NRIP1: variants seen among roughly 807,000 people sequenced by gnomAD.
NRIP1 encodes the protein nuclear receptor-interacting protein 1.
A neutral mutation model predicts 75.0 loss-of-function variants in NRIP1; 28 were observed. The observed-to-expected ratio is 0.37, with a 90% CI of 0.28 to 0.51. The LOEUF (loss-of-function observed/expected upper bound fraction) is 0.51. Ranked by LOEUF, NRIP1 falls within the 20% of genes least tolerant of loss-of-function variation. The pLI is 0.92. For missense variants in NRIP1, 1,435 were observed against 1,343.7 expected (o/e 1.07, Z -1.06); for synonymous variants, 526 against 487.6 (o/e 1.08, Z -1.04).
chr21:15,038,137 GA>G (rs2088875321), intron 2 of NRIP1, among the ~76,000 whole-genome samples: 1 of 151,984 alleles, frequency 6.6e-6, no homozygotes, highest in South Asian at 2.1e-4. Context: ...AGACTTTCAG[GA>G]AAGACTTTGA....
At chr21:15,038,902 C>T (rs28653583) in intron 2 of NRIP1, among the ~76,000 whole-genome samples, 18,236 of 151,988 alleles carry the variant, frequency 0.12, 2,116 homozygotes, top group African/African-American at 0.3. Flanking sequence ...TAGTAACGAA[C>T]GCAACAGAAA....
Position 14,962,910 on chromosome 21 carries a change from T to C in NRIP1, c.*1806A>G, listed in dbSNP as rs1300903783. On this transcript the variant is annotated 3_prime_UTR_variant, in exon 4 of 4. Transcript: ENST00000318948. ...AAATCAATATCCTAACTAGTAGTGA[T>C]TATAGAATAATTTTTGATAGGTCAT... The C allele has an allele frequency of 6.6e-6, 1 of 152,438 alleles. No homozygotes were observed. The highest frequency in any genetic ancestry group is 1.5e-5 in the Non-Finnish European group (1 of 67,938). The allele number at this position is 152,438 out of a possible 1,614,324, so 9.4% of individuals were successfully genotyped here.
chr21:15,052,558 G>A (rs528775829), intron 1 of NRIP1, among the ~76,000 whole-genome samples: 10 of 152,042 alleles, frequency 6.6e-5, no homozygotes, highest in Non-Finnish European at 1.3e-4. Flanking sequence ...TTTCCCCCGC[G>A]ATACTTCACT....
Position 15,031,892 on chromosome 21 carries a change from T to C in NRIP1, c.-458+11603A>G, listed in dbSNP as rs1425403570. ...ATGTGTATACACTCTGGAAGGTGGT[T>C]GGAGGTTCACCACATTCCCTTTCTA... On this transcript the variant is annotated intron_variant, in intron 2 of 3. Coordinates refer to ENST00000318948, the MANE Select transcript of NRIP1 (RefSeq NM_003489.4). 7.4e-5 allele frequency among the ~76,000 whole-genome samples: 11 copies of C among 149,050 alleles called. No homozygotes were observed. The East Asian group carries it at 1.8e-3, about 25-fold the overall frequency.
rs374251779 is a variant in NRIP1, at chr21:14,965,223, C to A, written c.2970G>T (p.Gln990His). The A allele has an allele frequency of 6.2e-7, 1 of 1,613,780 alleles. No individual in the cohort carries two copies. Among genetic ancestry groups the A allele is most frequent in the African/African-American group, 1.3e-5 (1 of 74,886 alleles). Residue 990 changes from glutamine to histidine, a missense_variant, in exon 4 of 4, where the codon CAG becomes CAT. By Grantham distance (24) the Gln-to-His change is conservative. Transcript: ENST00000318948. Reference sequence around the variant, plus strand: ...TCCTGTTATCCATGCAACTGCTGGGCTGAGTGGAACTGTACATCAGTCCAT... The same window carrying A: ...TCCTGTTATCCATGCAACTGCTGGGATGAGTGGAACTGTACATCAGTCCAT... ...SLNGLMYSSTQPSSCMDNRTF... is the reference protein window; with the variant it reads ...SLNGLMYSSTHPSSCMDNRTF...
intron 2 of NRIP1, among the ~76,000 whole-genome samples, chr21:15,020,642 C>A (rs531541083): frequency 2.0e-5 from 3 of 152,148 alleles, no homozygotes; most frequent in Admixed American, 2.0e-4. Flanking sequence ...ATATGCAAAT[C>A]ATATAACTGA....
intron 3 of NRIP1, among the ~76,000 whole-genome samples, chr21:15,007,704 G>A (rs2823004): frequency 0.16 from 23,990 of 152,074 alleles, 2,327 homozygotes; most frequent in East Asian, 0.22. Flanking sequence ...AGAGATGTCC[G>A]ACTTAAATTA....
At chr21:15,008,142 A>G (rs2088017595) in intron 3 of NRIP1, among the ~76,000 whole-genome samples, 1 of 152,174 alleles carries the variant, frequency 6.6e-6, no homozygotes, top group Admixed American at 6.5e-5. Context: ...AGTATCAGCC[A>G]AGGTAAGAGA....
chr21:14,964,954 G>GT lies in NRIP1; in HGVS notation c.3238dup (p.Thr1080AsnfsTer18), dbSNP rs1221621304. 6.2e-7 allele frequency: 1 copy of GT among 1,613,812 alleles called. No homozygotes were observed. The highest frequency in any genetic ancestry group is 1.3e-5 in the African/African-American group (1 of 74,902). On this transcript the variant is annotated frameshift_variant, in exon 4 of 4. Coordinates refer to ENST00000318948, the MANE Select transcript of NRIP1 (RefSeq NM_003489.4). LOFTEE classifies it high-confidence loss of function. ...GTCCTTGTCTTGTGTTTCTCGACTG[G>GT]TAACAGAATTGCCTCCTTTTTGAAG...
chr21:14,962,915 GA>G lies in NRIP1; in HGVS notation c.*1800del, dbSNP rs2086628612. 6.6e-6 allele frequency: 1 copy of G among 152,394 alleles called. No individual in the cohort carries two copies. The highest frequency in any genetic ancestry group is 2.4e-5 in the African/African-American group (1 of 41,394). The allele number at this position is 152,394 out of a possible 1,614,324, so 9.4% of individuals were successfully genotyped here. A position where few individuals can be genotyped will look rare whatever the true frequency, so the allele number is the denominator to read the frequency against. Reference sequence around the variant, plus strand: ...AATATCCTAACTAGTAGTGATTATAGAATAATTTTTGATAGGTCATTTGCTA... The same window carrying G: ...AATATCCTAACTAGTAGTGATTATAGATAATTTTTGATAGGTCATTTGCTA... On this transcript the variant is annotated 3_prime_UTR_variant, in exon 4 of 4. Coordinates refer to ENST00000318948, the MANE Select transcript of NRIP1 (RefSeq NM_003489.4).
intron 1 of NRIP1, among the ~76,000 whole-genome samples, chr21:15,048,518 C>T (rs1432347440): frequency 6.6e-6 from 1 of 152,088 alleles, no homozygotes; most frequent in Non-Finnish European, 1.5e-5. Context: ...AGTTTATAAT[C>T]AGACAAAAAC....
At chr21:15,004,430 A>C (rs2087918103) in intron 3 of NRIP1, among the ~76,000 whole-genome samples, 1 of 152,256 alleles carries the variant, frequency 6.6e-6, no homozygotes, top group Non-Finnish European at 1.5e-5. Flanking sequence ...TATCAACCAC[A>C]AAATTACTCT....
intron 3 of NRIP1, among the ~76,000 whole-genome samples, chr21:14,979,933 G>A (rs755864181): frequency 1.8e-4 from 27 of 152,144 alleles, no homozygotes; most frequent in Non-Finnish European, 1.3e-4. Context: ...TTAACTTGCA[G>A]TTCCCTGAAT....
intron 1 of NRIP1, among the ~76,000 whole-genome samples, chr21:15,061,136 T>C (rs1169717389): frequency 3.3e-5 from 5 of 152,216 alleles, no homozygotes; most frequent in African/African-American, 1.2e-4. Context: ...CCCTAGCATA[T>C]CTTGTTGAAA....
At chr21:15,015,138 T>C (rs777191214) in intron 2 of NRIP1, among the ~76,000 whole-genome samples, 7 of 152,136 alleles carry the variant, frequency 4.6e-5, no homozygotes. Context: ...AATCTCAAAA[T>C]AATTACCCTG....
intron 3 of NRIP1, among the ~76,000 whole-genome samples, chr21:14,996,820 C>T (rs543487550): frequency 1.3e-4 from 19 of 151,860 alleles, no homozygotes; most frequent in South Asian, 1.0e-3. Context: ...GCATAATATA[C>T]GCACAAGAAA....
Position 14,964,871 on chromosome 21 carries a change from A to G in NRIP1, c.3322T>C (p.Leu1108=). ...SVSQVTAKEE[L]LPTAETKASF... is the part of the protein sequence containing the mutation. Reference sequence around the variant, plus strand: ...GCTTTCGTTTCTGCAGTAGGAAGTAACTCTTCTTTGGCTGTGACCTGTGAG... The same window carrying G: ...GCTTTCGTTTCTGCAGTAGGAAGTAGCTCTTCTTTGGCTGTGACCTGTGAG... The change falls in exon 4 of 4, where the codon TTA becomes CTA. Residue 1108 remains leucine, a synonymous_variant. Transcript: ENST00000318948. The G allele has an allele frequency of 1.9e-6, 3 of 1,613,300 alleles. No homozygotes were observed. The highest frequency in any genetic ancestry group is 2.7e-5 in the African/African-American group (2 of 74,914).
At chr21:14,976,502 C>G (rs983202524) in intron 3 of NRIP1, among the ~76,000 whole-genome samples, 1 of 151,934 alleles carries the variant, frequency 6.6e-6, no homozygotes, top group Non-Finnish European at 1.5e-5. Flanking sequence ...TTTTTTAGAG[C>G]TTTTTAAATA....
intron 3 of NRIP1, among the ~76,000 whole-genome samples, chr21:14,970,861 T>G (rs2086885658): frequency 6.6e-6 from 1 of 152,360 alleles, no homozygotes; most frequent in East Asian, 1.9e-4. Flanking sequence ...TATTATTCAT[T>G]GCTTTAAAAA....
Sources: allele counts gnomAD v4.1 joint callset (sites outside exome capture counted in the v4.1 genomes callset), GRCh38; gene constraint gnomAD v4.1.1; transcripts MANE v1.5; gene names NCBI Gene and HGNC (gene_info 2026-07-23, HGNC 2026-07-21).